The following APLF variants were observed in gnomAD, a reference collection of about 807,000 sequenced individuals.
APLF encodes the protein aprataxin and PNKP like factor.
In APLF, 61 loss-of-function variants were observed where a neutral mutation model predicts 55.6. That is an observed-to-expected ratio of 1.10 (90% confidence interval 0.89 to 1.36). The LOEUF is 1.36. APLF is among the 40% of genes most tolerant of loss of function. APLF has a pLI of 0.00. For missense variants in APLF, 611 were observed against 602.5 expected (o/e 1.01, Z -0.15); for synonymous variants, 207 against 214.8 (o/e 0.96, Z 0.32).
chr2:68,566,861 A>T (rs1671325389), intron 8 of APLF, among the ~76,000 whole-genome samples: 1 of 152,080 alleles, frequency 6.6e-6, no homozygotes, highest in Non-Finnish European at 1.5e-5. Context: ...AACAAAATTA[A>T]CTTTTGTGTT....
At chr2:68,470,956 T>C (rs926989212) in intron 1 of APLF, among the ~76,000 whole-genome samples, 1 of 152,170 alleles carries the variant, frequency 6.6e-6, no homozygotes, top group African/African-American at 2.4e-5. Flanking sequence ...CTGGCAGCTC[T>C]ATACTTTTAA....
At chr2:68,518,393 T>C (rs1176722684) in intron 5 of APLF, among the ~76,000 whole-genome samples, 1 of 99,972 alleles carries the variant, frequency 1.0e-5, no homozygotes, top group African/African-American at 5.4e-5. Context: ...ATATTATTAA[T>C]ATATAACAAT....
chr2:68,547,675 C>T (rs147546556), intron 8 of APLF, among the ~76,000 whole-genome samples: 10 of 151,640 alleles, frequency 6.6e-5, no homozygotes, highest in African/African-American at 2.2e-4. Flanking sequence ...ACCCTTATAT[C>T]ACACCATAGT....
chr2:68,567,365 A>AT lies in APLF; in HGVS notation c.1312dup (p.Tyr438LeufsTer2). On this transcript the variant is annotated frameshift_variant, in exon 9 of 10. Transcript: ENST00000303795. LOFTEE classifies it high-confidence loss of function. ...GGAAGAATCCCCAGCACAAGATAGA[A>AT]TATAGACATAATACGCTTCCAGGTA... The AT allele has an allele frequency of 6.2e-7, 1 of 1,605,896 alleles. No homozygotes were observed.
Position 68,545,287 on chromosome 2 carries a change from T to G in APLF, c.1261T>G (p.Cys421Gly). The change falls in exon 8 of 10, where the codon TGT becomes GGT. Residue 421 changes from cysteine (C) to glycine (G), a missense_variant. Transcript: ENST00000303795. ...GQDETDDRPE[C>G]PYGPSCYRKN... is the part of the protein sequence containing the mutation. ...AGATGAGACTGATGACCGGCCTGAA[T>G]GTCCCTATGGACCATCCTGTTATAG... 6.2e-7 allele frequency: 1 copy of G among 1,613,882 alleles called. No homozygotes were observed. The highest frequency in any genetic ancestry group is 8.5e-7 in the Non-Finnish European group (1 of 1,179,804).
At chr2:68,561,497 GTGAT>G (rs533119175) in intron 8 of APLF, among the ~76,000 whole-genome samples, 26 of 152,228 alleles carry the variant, frequency 1.7e-4, no homozygotes, top group East Asian at 1.3e-3. Context: ...GTTGAACTGA[GTGAT>G]TGATTGACTA....
chr2:68,498,055 C>A (rs989195290), intron 2 of APLF, among the ~76,000 whole-genome samples: 11 of 152,104 alleles, frequency 7.2e-5, no homozygotes, highest in African/African-American at 2.7e-4. Flanking sequence ...AATTTAAAGA[C>A]ATTTAGAGAA....
At chr2:68,494,297 A>G (rs1017808226) in intron 2 of APLF, among the ~76,000 whole-genome samples, 3 of 150,022 alleles carry the variant, frequency 2.0e-5, no homozygotes, top group Non-Finnish European at 3.0e-5. Flanking sequence ...AAAAAAAAAA[A>G]AAAAAGAAAA....
intron 8 of APLF, among the ~76,000 whole-genome samples, chr2:68,546,091 A>G (rs908295549): frequency 1.3e-5 from 2 of 152,154 alleles, no homozygotes; most frequent in Non-Finnish European, 2.9e-5. Context: ...AAGGCAAAGT[A>G]AGTTTCTAGG....
At chr2:68,508,947 C>G (rs1676958847) in intron 3 of APLF, among the ~76,000 whole-genome samples, 1 of 151,900 alleles carries the variant, frequency 6.6e-6, no homozygotes, top group Admixed American at 6.6e-5. Flanking sequence ...CTTTGACAAA[C>G]CTGACAAAAA....
intron 3 of APLF, among the ~76,000 whole-genome samples, chr2:68,506,639 T>G (rs1676879185): frequency 6.6e-6 from 1 of 152,010 alleles, no homozygotes; most frequent in African/African-American, 2.4e-5. Flanking sequence ...TTGCCCAAGG[T>G]CACAGCTTAA....
At chr2:68,518,498 T>C (rs1256029239) in intron 5 of APLF, among the ~76,000 whole-genome samples, 1 of 117,664 alleles carries the variant, frequency 8.5e-6, no homozygotes, top group African/African-American at 3.5e-5. Flanking sequence ...ATTAATAATA[T>C]ATAATAATGT....
At chr2:68,545,149 A>ATTTT (rs11337234) in intron 7 of APLF, 38 bp from the exon 8 acceptor site, 1 of 1,478,164 alleles carries the variant, frequency 6.8e-7, no homozygotes, top group Admixed American at 1.8e-5. Context: ...AGAATATCCT[A>ATTTT]TTTTTTTTTT....
At chr2:68,574,213 C>T (rs1282860550) in intron 9 of APLF, among the ~76,000 whole-genome samples, 3 of 150,660 alleles carry the variant, frequency 2.0e-5, no homozygotes, top group African/African-American at 7.3e-5. Context: ...TTTTTTTGGC[C>T]CAGTTACACT....
At chr2:68,557,620 A>G (rs1191138934) in intron 8 of APLF, among the ~76,000 whole-genome samples, 1 of 152,184 alleles carries the variant, frequency 6.6e-6, no homozygotes, top group African/African-American at 2.4e-5. Context: ...AGTTAAGAAT[A>G]GTCAAAGTTG....
intron 6 of APLF, among the ~76,000 whole-genome samples, chr2:68,534,044 C>CTT (rs959500666): frequency 1.3e-5 from 2 of 152,074 alleles, no homozygotes; most frequent in African/African-American, 4.8e-5. Flanking sequence ...AGGGCAGTGA[C>CTT]TTTAAGGATG....
intron 2 of APLF, among the ~76,000 whole-genome samples, chr2:68,494,080 C>G (rs1403608814): frequency 6.8e-6 from 1 of 148,146 alleles, no homozygotes; most frequent in Non-Finnish European, 1.5e-5. Context: ...TGCACTCTAG[C>G]CTGGGTGACA....
Position 68,551,897 on chromosome 2 carries a change from A to G in APLF, c.1286+6585A>G, listed in dbSNP as rs897991255. Among the ~76,000 whole-genome samples the G allele has an allele frequency of 4.6e-5, 7 of 152,118 alleles. No individual in the cohort carries two copies. The East Asian group carries it at 7.7e-4, about 17-fold the overall frequency. ...TTCCATCAGTAAGGATACCACCTCT[A>G]CTTGGCAGGTAGGGGCTAGTCATCT... On this transcript the variant is annotated intron_variant, in intron 8 of 9. Coordinates refer to ENST00000303795, the MANE Select transcript of APLF (RefSeq NM_173545.3).
intron 5 of APLF, among the ~76,000 whole-genome samples, chr2:68,516,975 A>G (rs986256680): frequency 2.4e-4 from 30 of 125,886 alleles, no homozygotes; most frequent in Admixed American, 7.7e-4. Context: ...AATATAATAT[A>G]ATATAATTAT....
Sources: allele counts gnomAD v4.1 joint callset (sites outside exome capture counted in the v4.1 genomes callset), GRCh38; gene constraint gnomAD v4.1.1; transcripts MANE v1.5; gene names NCBI Gene and HGNC (gene_info 2026-07-23, HGNC 2026-07-21).